CPNE4: variants seen among roughly 807,000 people sequenced by gnomAD.
CPNE4 encodes copine 4, also known as copine-4.
In CPNE4, 25 loss-of-function variants were observed where a neutral mutation model predicts 67.9. The ratio of observed to expected loss-of-function variants is 0.37; its 90% CI spans 0.27 to 0.51. The LOEUF (loss-of-function observed/expected upper bound fraction) is 0.51. CPNE4 is among the 20% of genes least tolerant of loss of function. The probability of loss-of-function intolerance (pLI) is 0.93; values close to 1 mark genes in which losing one functional copy is unlikely to be tolerated. For missense variants in CPNE4, 464 were observed against 690.8 expected, an observed-to-expected ratio of 0.67 and a Z score of 3.68; for synonymous variants, 242 against 244.9, an observed-to-expected ratio of 0.99 and a Z score of 0.11.
intron 3 of CPNE4, among the ~76,000 whole-genome samples, chr3:131,700,228 T>C (rs1034081455): frequency 2.0e-5 from 3 of 152,010 alleles, no homozygotes; most frequent in East Asian, 1.9e-4. Flanking sequence ...ATGCAGTCAA[T>C]TGGGAGGTGG....
At chr3:131,608,440 A>C (rs1008950124) in intron 7 of CPNE4, among the ~76,000 whole-genome samples, 3 of 152,136 alleles carry the variant, frequency 2.0e-5, no homozygotes, top group Non-Finnish European at 4.4e-5. Flanking sequence ...GGATGAATGC[A>C]ATGAAGCCTG....
chr3:131,942,421 C>T (rs1386617199), intron 1 of CPNE4, among the ~76,000 whole-genome samples: 1 of 89,708 alleles, frequency 1.1e-5, no homozygotes, highest in Non-Finnish European at 2.2e-5. Flanking sequence ...CTAGCTTCCT[C>T]GTGTGTGTGT....
intron 2 of CPNE4, among the ~76,000 whole-genome samples, chr3:131,821,507 T>C (rs1246259534): frequency 1.3e-5 from 2 of 152,086 alleles, no homozygotes; most frequent in East Asian, 1.9e-4. Context: ...TCATTCAAGA[T>C]GAAAGGCCTG....
chr3:132,022,994 T>C, intron 1 of CPNE4, among the ~76,000 whole-genome samples: 1 of 152,196 alleles, frequency 6.6e-6, no homozygotes, highest in East Asian at 1.9e-4. Context: ...TCAGTTAAAC[T>C]TAATGATGCT....
intron 7 of CPNE4, among the ~76,000 whole-genome samples, chr3:131,667,442 G>C (rs1379845040): frequency 6.6e-6 from 1 of 151,916 alleles, no homozygotes; most frequent in Admixed American, 6.6e-5. Flanking sequence ...GACACAGGCA[G>C]CAGGGTGTGT....
intron 14 of CPNE4, among the ~76,000 whole-genome samples, chr3:131,545,331 T>C (rs1056880750): frequency 7.2e-5 from 11 of 152,220 alleles, no homozygotes; most frequent in Non-Finnish European, 1.3e-4. Context: ...GTTTATTGAC[T>C]GCTGATCTAA....
chr3:131,568,662 AAAGT>A (rs1229664206), intron 10 of CPNE4, among the ~76,000 whole-genome samples: 1 of 148,522 alleles, frequency 6.7e-6, no homozygotes, highest in African/African-American at 2.6e-5. Context: ...CAAACCTTGT[AAAGT>A]AAGAATGCAA....
chr3:131,925,257 C>T (rs1201806852), intron 1 of CPNE4, among the ~76,000 whole-genome samples: 2 of 151,866 alleles, frequency 1.3e-5, no homozygotes, highest in Admixed American at 1.3e-4. Context: ...ACCCACACAA[C>T]ATACCACATT....
At chr3:131,647,137 T>C (rs1456576950) in intron 7 of CPNE4, among the ~76,000 whole-genome samples, 1 of 152,210 alleles carries the variant, frequency 6.6e-6, no homozygotes, top group East Asian at 1.9e-4. Context: ...GGTTCTATAT[T>C]GCAAATCAGA....
chr3:131,799,041 T>C (rs766343526), intron 2 of CPNE4, among the ~76,000 whole-genome samples: 2 of 152,100 alleles, frequency 1.3e-5, no homozygotes, highest in African/African-American at 4.8e-5. Flanking sequence ...CAAACTCTCC[T>C]GACAAGGAAT....
chr3:131,674,059 T>A lies in CPNE4; in HGVS notation c.592-4295A>T, dbSNP rs538308352. On this transcript the variant is annotated intron_variant, in intron 6 of 15. Transcript: ENST00000429747. The stretch of plus-strand genomic sequence containing the variant: ...ATTGTATCAAATGCTTCTTCAGTAT[T>A]AATTGAAATGAGCATATGATTTTTG... 2.0e-5 allele frequency among the ~76,000 whole-genome samples: 3 copies of A among 152,152 alleles called. No homozygotes were observed. The South Asian group carries it at 6.2e-4, about 32-fold the overall frequency.
intron 3 of CPNE4, among the ~76,000 whole-genome samples, chr3:131,713,385 A>C (rs1382574829): frequency 6.6e-6 from 1 of 152,200 alleles, no homozygotes; most frequent in Non-Finnish European, 1.5e-5. Context: ...CTATGACTTT[A>C]CATGAGATAA....
chr3:131,612,731 C>T (rs1467607932), intron 7 of CPNE4, among the ~76,000 whole-genome samples: 8 of 152,320 alleles, frequency 5.3e-5, no homozygotes, highest in Admixed American at 3.9e-4. Context: ...ATAAAACCTA[C>T]GTTAGACTCC....
At chr3:131,816,082 C>G (rs904311480) in intron 2 of CPNE4, among the ~76,000 whole-genome samples, 1 of 152,112 alleles carries the variant, frequency 6.6e-6, no homozygotes, top group Non-Finnish European at 1.5e-5. Context: ...AAGATGGAGT[C>G]AGCTGTTAGA....
intron 2 of CPNE4, among the ~76,000 whole-genome samples, chr3:131,845,907 T>C (rs1404328722): frequency 6.6e-6 from 1 of 152,284 alleles, no homozygotes; most frequent in East Asian, 1.9e-4. Flanking sequence ...TCACGGTGAA[T>C]TGAGGATTGA....
chr3:131,918,583 A>G (rs1052035103), intron 1 of CPNE4, among the ~76,000 whole-genome samples: 1 of 152,208 alleles, frequency 6.6e-6, no homozygotes, highest in Non-Finnish European at 1.5e-5. Context: ...CAAATAACAA[A>G]TAAGCAAAAA....
At chr3:131,769,061 A>C (rs1431136769) in intron 2 of CPNE4, among the ~76,000 whole-genome samples, 1 of 152,180 alleles carries the variant, frequency 6.6e-6, no homozygotes, top group Non-Finnish European at 1.5e-5. Flanking sequence ...GGGTTCATCC[A>C]TTCGTGCTGT....
intron 1 of CPNE4, among the ~76,000 whole-genome samples, chr3:131,994,419 G>T (rs1381720569): frequency 1.5e-5 from 2 of 135,504 alleles, no homozygotes; most frequent in African/African-American, 4.9e-5. Flanking sequence ...TAAGGTTCAT[G>T]GACCAGCAGG....
chr3:131,644,706 C>T (rs374623510), intron 7 of CPNE4, among the ~76,000 whole-genome samples: 1 of 152,088 alleles, frequency 6.6e-6, no homozygotes, highest in African/African-American at 2.4e-5. Context: ...TCTGTGACCT[C>T]AAGCAAGTCA....
Sources: allele counts gnomAD v4.1 joint callset (sites outside exome capture counted in the v4.1 genomes callset), GRCh38; gene constraint gnomAD v4.1.1; transcripts MANE v1.5; gene names NCBI Gene and HGNC (gene_info 2026-07-23, HGNC 2026-07-21).